Variants in BIN1 observed in about 807,000 individuals in gnomAD.
BIN1 encodes the protein myc box-dependent-interacting protein 1.
A neutral mutation model predicts 82.0 loss-of-function variants in BIN1; 53 were observed. The ratio of observed to expected loss-of-function variants is 0.65; its 90% CI spans 0.52 to 0.81. The LOEUF is 0.81. BIN1 is among the 40% of genes least tolerant of loss of function. The pLI is 0.00. For missense variants in BIN1, 642 were observed against 784.4 expected, an observed-to-expected ratio of 0.82 and a Z score of 2.17; for synonymous variants, 302 against 328.0, an observed-to-expected ratio of 0.92 and a Z score of 0.86.
At chr2:127,062,020 T>C in intron 10 of BIN1, 95 bp downstream of exon 10, 1 of 1,444,676 alleles carries the variant, frequency 6.9e-7, no homozygotes, top group Non-Finnish European at 9.4e-7. Flanking sequence ...GCCAAACCCA[T>C]GGGGGACCAG....
At chr2:127,069,559 A>G (rs2105064444) in intron 5 of BIN1, among the ~76,000 whole-genome samples, 1 of 152,336 alleles carries the variant, frequency 6.6e-6, no homozygotes. Flanking sequence ...TTGCGAATGC[A>G]CACAACCACA....
chr2:127,058,091 C>T (rs900400779), intron 11 of BIN1, among the ~76,000 whole-genome samples: 3 of 152,174 alleles, frequency 2.0e-5, no homozygotes, highest in South Asian at 2.1e-4. Context: ...CCAGCTCAGA[C>T]GAGTGTATCC....
chr2:127,066,271 C>T (rs1308816973), intron 7 of BIN1, among the ~76,000 whole-genome samples: 2 of 152,160 alleles, frequency 1.3e-5, no homozygotes, highest in Non-Finnish European at 2.9e-5. Context: ...AAAGATGGGA[C>T]CCAAATGGGA....
In BIN1 at chr2:127,093,553, G is replaced by A. The variant is rs1011988652; in HGVS notation, c.84+13307C>T. Reference sequence around the variant, plus strand: ...GACAAGCCTTGCTGGGTTCCCCCTCGGACTATCACCATTAGGTCACACCCG... The same window carrying A: ...GACAAGCCTTGCTGGGTTCCCCCTCAGACTATCACCATTAGGTCACACCCG... On this transcript the variant is annotated intron_variant, in intron 1 of 18. Transcript: ENST00000316724. The surrounding 1 kb of genome is among the most constrained non-coding windows in gnomAD (Gnocchi z 5.7). Among the ~76,000 whole-genome samples the A allele has an allele frequency of 5.9e-5, 9 of 152,108 alleles. No individual in the cohort carries two copies. Among genetic ancestry groups the A allele is most frequent in the African/African-American group, 1.7e-4 (7 of 41,402 alleles).
chr2:127,053,266 C>G (rs1683194335), intron 14 of BIN1, 156 bp downstream of exon 14: 5 of 1,143,538 alleles, frequency 4.4e-6, no homozygotes, highest in East Asian at 2.6e-5. Context: ...GGTGGCTTCA[C>G]CAGCTCCCTG....
chr2:127,048,684 C>A (rs1409489909), intron 18 of BIN1, 51 bp from the exon 19 acceptor site: 1 of 1,563,264 alleles, frequency 6.4e-7, no homozygotes, highest in Non-Finnish European at 8.8e-7. Context: ...GGCTCCACCC[C>A]ACAGGGCACG....
rs1038239970 is a variant in BIN1 at position 127,090,047 on chromosome 2, C to T, written c.85-13341G>A. 1.3e-5 allele frequency among the ~76,000 whole-genome samples: 2 copies of T among 151,734 alleles called. No homozygotes were observed. Among genetic ancestry groups the T allele is most frequent in the African/African-American group, 4.8e-5 (2 of 41,244 alleles). On this transcript the variant is annotated intron_variant, in intron 1 of 18. Coordinates refer to ENST00000316724, the MANE Select transcript of BIN1 (RefSeq NM_139343.3). This position sits in a 1 kb window ranked among gnomAD's most constrained non-coding sequence, Gnocchi z 6.4. ...CTGCCGCCCAGTGCACCTGCTCCTGCGGCTCACAGTCCACTGCAGCATGGC... is the reference window on the plus strand; with the variant it reads ...CTGCCGCCCAGTGCACCTGCTCCTGTGGCTCACAGTCCACTGCAGCATGGC...
rs377105369 is a variant in BIN1 at position 127,081,277 on chromosome 2, G to A, written c.85-4571C>T. Among the ~76,000 whole-genome samples, 3 of 152,298 alleles carry A rather than the reference G, an allele frequency of 2.0e-5. 1 individual carries two copies. Among genetic ancestry groups the A allele is most frequent in the African/African-American group, 7.2e-5 (3 of 41,568 alleles). ...GCACGCACTTCAAGTCACCAGGGCC[G>A]CCTCCTCAGAAGGGAAGTGTCCTTA... is the stretch of plus-strand genomic sequence containing the variant. On this transcript the variant is annotated intron_variant, in intron 1 of 18. Transcript: ENST00000316724.
intron 12 of BIN1, chr2:127,056,502 G>A (rs1683690351): frequency 6.6e-6 from 1 of 152,572 alleles, no homozygotes; most frequent in Non-Finnish European, 1.5e-5. Context: ...GCAGTTCCCA[G>A]CGGCCACTCC....
chr2:127,091,083 C>T (rs1573768617), intron 1 of BIN1, among the ~76,000 whole-genome samples: 2 of 152,164 alleles, frequency 1.3e-5, no homozygotes, highest in Non-Finnish European at 2.9e-5. Flanking sequence ...ATGGTGCCTA[C>T]GGGAGGTATG....
At chr2:127,094,391 G>A (rs1331074402) in intron 1 of BIN1, among the ~76,000 whole-genome samples, 2 of 152,218 alleles carry the variant, frequency 1.3e-5, no homozygotes, top group African/African-American at 4.8e-5. Context: ...GGCACGATGG[G>A]TCTAGCCTCC....
intron 14 of BIN1, 174 bp downstream of exon 14, chr2:127,053,248 T>C (rs1683189412): frequency 2.3e-6 from 2 of 876,764 alleles, no homozygotes; most frequent in African/African-American, 1.7e-5. Flanking sequence ...GCAGAATGGC[T>C]GGAGGCGGGT....
intron 14 of BIN1, chr2:127,053,022 C>T (rs1446019833): frequency 1.3e-5 from 4 of 317,928 alleles, no homozygotes; most frequent in Admixed American, 1.2e-4. Context: ...CAAACAGCTC[C>T]CCACTGCCAA....
At chr2:127,086,187 C>T (rs1323225987) in intron 1 of BIN1, among the ~76,000 whole-genome samples, 12 of 152,164 alleles carry the variant, frequency 7.9e-5, no homozygotes, top group Admixed American at 1.3e-4. Flanking sequence ...GGCGGTCACT[C>T]AGCTAATGAG....
rs753612525 is a variant in BIN1 at position 127,050,838 on chromosome 2, G to A, written c.1536C>T (p.Ala512=). The part of the protein sequence containing the change: ...VNGTVEGGSG[A]GRLDLPPGFM... ...AACCTGGGGGCAGGTCCAAGCGCCC[G>A]GCCCCACTGCCGCCCTCCACGGTGC... The change falls in exon 17 of 19, where the codon GCC becomes GCT. Residue 512 remains alanine (A), a synonymous_variant. Transcript: ENST00000316724. 1.2e-5 allele frequency: 20 copies of A among 1,613,656 alleles called. No homozygotes were observed. The highest frequency in any genetic ancestry group is 6.6e-5 in the South Asian group (6 of 91,090).
chr2:127,087,723 G>A (rs567341227), intron 1 of BIN1, among the ~76,000 whole-genome samples: 2 of 152,186 alleles, frequency 1.3e-5, no homozygotes, highest in African/African-American at 4.8e-5. Context: ...TGAGGAAACC[G>A]AGAGTCCCAT....
intron 1 of BIN1, 112 bp from the exon 2 acceptor site, chr2:127,076,818 A>C: frequency 8.0e-7 from 1 of 1,256,796 alleles, no homozygotes; most frequent in South Asian, 1.2e-5. Context: ...TCTCTAGCCA[A>C]CATCACCCAG....
rs769544041 is a variant in BIN1 at position 127,072,429 on chromosome 2, G to A, written c.166-1613C>T. Among the ~76,000 whole-genome samples, 11 of 152,136 alleles carry A rather than the reference G, an allele frequency of 7.2e-5. No homozygotes were observed. The South Asian group carries it at 1.0e-3, about 14-fold the overall frequency. On this transcript the variant is annotated intron_variant, in intron 2 of 18. Coordinates refer to ENST00000316724, the MANE Select transcript of BIN1 (RefSeq NM_139343.3). ...GACCGGCCCAGTCACACAGAGACTCGGAGAGCCCATGAGACCCTCCAAGCC... is the reference window on the plus strand; with the variant it reads ...GACCGGCCCAGTCACACAGAGACTCAGAGAGCCCATGAGACCCTCCAAGCC...
intron 1 of BIN1, among the ~76,000 whole-genome samples, chr2:127,100,947 G>C (rs978948553): frequency 2.0e-5 from 3 of 148,800 alleles, no homozygotes; most frequent in Non-Finnish European, 4.5e-5. Flanking sequence ...TTTCAGATGA[G>C]GAAACCGGGA....
Sources: allele counts gnomAD v4.1 joint callset (sites outside exome capture counted in the v4.1 genomes callset), GRCh38; gene constraint gnomAD v4.1.1; non-coding constraint Gnocchi (gnomAD v3.1); transcripts MANE v1.5; gene names NCBI Gene and HGNC (gene_info 2026-07-23, HGNC 2026-07-21).